The following AFG2A variants were observed in gnomAD, a reference collection of about 807,000 sequenced individuals.
The protein encoded by AFG2A is ATPase family gene 2 protein homolog A.
At chr4:123,248,219 T>A in the AFG2A span, among the ~76,000 whole-genome samples, 1 of 152,288 alleles carries the variant, frequency 6.6e-6, no homozygotes, top group South Asian at 2.1e-4. Flanking sequence ...ACTGAAGTAG[T>A]TTACATTCTT....
the AFG2A span, among the ~76,000 whole-genome samples, chr4:122,943,503 T>A: frequency 6.6e-6 from 1 of 152,194 alleles, no homozygotes; most frequent in Non-Finnish European, 1.5e-5. Context: ...TCTCCCTCCA[T>A]CCTTTTATTT....
At chr4:123,163,070 A>G in the AFG2A span, among the ~76,000 whole-genome samples, 1 of 152,226 alleles carries the variant, frequency 6.6e-6, no homozygotes, top group Non-Finnish European at 1.5e-5. Flanking sequence ...GAAGGCTAGC[A>G]TTGTCACTCA....
chr4:122,982,194 T>C, the AFG2A span, among the ~76,000 whole-genome samples: 1 of 151,978 alleles, frequency 6.6e-6, no homozygotes, highest in African/African-American at 2.4e-5. Context: ...TATTGAGAGT[T>C]TTTATCATGA....
At chr4:123,300,118 C>T in the AFG2A span, among the ~76,000 whole-genome samples, 2 of 152,082 alleles carry the variant, frequency 1.3e-5, no homozygotes, top group African/African-American at 2.4e-5. Context: ...AAACCTTATT[C>T]TCTTATTAGC....
the AFG2A span, among the ~76,000 whole-genome samples, chr4:123,036,003 T>C: frequency 6.6e-6 from 1 of 152,214 alleles, no homozygotes; most frequent in Non-Finnish European, 1.5e-5. Flanking sequence ...TCTTTCTATC[T>C]CAATTCCTTT....
chr4:122,953,042 C>T, the AFG2A span, among the ~76,000 whole-genome samples: 23 of 152,242 alleles, frequency 1.5e-4, no homozygotes, highest in Admixed American at 1.5e-3. Flanking sequence ...CCTTGTAATG[C>T]CTCCTTGGGC....
chr4:123,103,987 G>T, the AFG2A span, among the ~76,000 whole-genome samples: 1 of 152,072 alleles, frequency 6.6e-6, no homozygotes, highest in Admixed American at 6.6e-5. Flanking sequence ...AGCAGCAATG[G>T]GAAACTTTTT....
At chr4:123,104,133 C>G in the AFG2A span, among the ~76,000 whole-genome samples, 1 of 152,002 alleles carries the variant, frequency 6.6e-6, no homozygotes, top group Non-Finnish European at 1.5e-5. Context: ...TTGTGGTAAC[C>G]CTGCAAGTCC....
the AFG2A span, among the ~76,000 whole-genome samples, chr4:123,171,473 C>T: frequency 6.6e-6 from 1 of 152,000 alleles, no homozygotes; most frequent in African/African-American, 2.4e-5. Context: ...CATACACTTC[C>T]AGGGAGAGAG....
chr4:123,095,063 A>G, the AFG2A span, among the ~76,000 whole-genome samples: 33 of 126,860 alleles, frequency 2.6e-4, no homozygotes, highest in African/African-American at 9.1e-4. Context: ...ATATATATAT[A>G]TATGTGTGTG....
the AFG2A span, among the ~76,000 whole-genome samples, chr4:123,107,071 T>C: frequency 6.6e-6 from 1 of 152,188 alleles, no homozygotes; most frequent in African/African-American, 2.4e-5. Context: ...AACACAGTGG[T>C]GCCCAGAAGC....
the AFG2A span, among the ~76,000 whole-genome samples, chr4:122,964,568 A>G: frequency 6.6e-6 from 1 of 152,024 alleles, no homozygotes; most frequent in Admixed American, 6.6e-5. Flanking sequence ...ACTCTTTCAG[A>G]GATAATTTAG....
At chr4:123,089,057 A>T in the AFG2A span, among the ~76,000 whole-genome samples, 1 of 152,218 alleles carries the variant, frequency 6.6e-6, no homozygotes, top group Non-Finnish European at 1.5e-5. Context: ...CTTTGGTCCC[A>T]TATATTTTAA....
At chr4:123,141,897 C>T in the AFG2A span, among the ~76,000 whole-genome samples, 3 of 152,062 alleles carry the variant, frequency 2.0e-5, no homozygotes, top group African/African-American at 7.2e-5. Flanking sequence ...TTGTAGCAAA[C>T]GTGACCCCTC....
chr4:122,947,624 T>G, the AFG2A span: 1 of 1,162,572 alleles, frequency 8.6e-7, no homozygotes, highest in Non-Finnish European at 1.1e-6. Flanking sequence ...AATTTTTATT[T>G]GAAAAAATTT....
chr4:123,105,087 C>T, the AFG2A span, among the ~76,000 whole-genome samples: 2 of 152,126 alleles, frequency 1.3e-5, no homozygotes, highest in East Asian at 1.9e-4. Flanking sequence ...CCTGGCTTCA[C>T]GCTTCAAAGG....
chr4:123,277,709 C>A, the AFG2A span, among the ~76,000 whole-genome samples: 8 of 152,014 alleles, frequency 5.3e-5, no homozygotes, highest in Non-Finnish European at 1.0e-4. Flanking sequence ...TTATCAAAAA[C>A]GTTTTCTGAA....
chr4:123,206,083 TA>T, the AFG2A span, among the ~76,000 whole-genome samples: 1 of 152,128 alleles, frequency 6.6e-6, no homozygotes, highest in Non-Finnish European at 1.5e-5. Context: ...CCTGATGACC[TA>T]ACAAATCTAG....
At chr4:123,067,519 C>G in the AFG2A span, among the ~76,000 whole-genome samples, 7 of 150,970 alleles carry the variant, frequency 4.6e-5, no homozygotes, top group Non-Finnish European at 8.9e-5. Flanking sequence ...TCCATCCCCC[C>G]CAAAAAAAAG....
Sources: gnomAD v4.1 joint callset for allele counts (sites outside exome capture counted in the v4.1 genomes callset) on GRCh38, gnomAD v4.1.1 for gene constraint, MANE v1.5 for transcripts, NCBI Gene and HGNC (gene_info 2026-07-23, HGNC 2026-07-21) for gene names.